The following GPATCH2 variants were observed in gnomAD, a reference collection of about 807,000 sequenced individuals.
GPATCH2 encodes G-patch domain containing 2, also known as G patch domain-containing protein 2.
A neutral mutation model predicts 58.0 loss-of-function variants in GPATCH2; 51 were observed. The ratio of observed to expected loss-of-function variants is 0.88; its 90% confidence interval spans 0.70 to 1.11. GPATCH2 has a LOEUF of 1.11. Ranked by LOEUF, GPATCH2 falls within the 50% of genes most tolerant of loss-of-function variation. The pLI, the probability that GPATCH2 is intolerant of heterozygous loss-of-function variation, is 0.00. For missense variants in GPATCH2, 625 were observed against 652.2 expected, an observed-to-expected ratio of 0.96 and a Z score of 0.45; for synonymous variants, 222 against 218.5, an observed-to-expected ratio of 1.02 and a Z score of -0.14.
At chr1:217,628,991 T>G (rs1444514121) in intron 1 of GPATCH2, among the ~76,000 whole-genome samples, 1 of 152,092 alleles carries the variant, frequency 6.6e-6, no homozygotes, top group East Asian at 1.9e-4. Flanking sequence ...TTAAACCATC[T>G]TTGCTTCTGT....
chr1:217,551,755 G>C (rs970225769), intron 5 of GPATCH2, among the ~76,000 whole-genome samples: 1 of 152,084 alleles, frequency 6.6e-6, no homozygotes, highest in Non-Finnish European at 1.5e-5. Context: ...ATAAAATGCT[G>C]CAACAGAAGT....
At chr1:217,587,572 T>C (rs1235134125) in intron 5 of GPATCH2, among the ~76,000 whole-genome samples, 1 of 152,068 alleles carries the variant, frequency 6.6e-6, no homozygotes, top group Non-Finnish European at 1.5e-5. Flanking sequence ...TTTAGAAAGA[T>C]TACAGTAAGA....
chr1:217,484,409 C>A, intron 8 of GPATCH2, among the ~76,000 whole-genome samples: 1 of 151,334 alleles, frequency 6.6e-6, no homozygotes, highest in African/African-American at 2.4e-5. Flanking sequence ...ACAGGTTTTC[C>A]TGGTTCTCAG....
chr1:217,611,145 G>A (rs995823322), intron 3 of GPATCH2, 74 bp from the exon 4 acceptor site: 9 of 1,331,356 alleles, frequency 6.8e-6, no homozygotes, highest in South Asian at 2.9e-5. Flanking sequence ...AGTCTTGTCA[G>A]GTAATAAAAA....
chr1:217,483,829 T>C (rs1439962123), intron 8 of GPATCH2, among the ~76,000 whole-genome samples: 1 of 152,218 alleles, frequency 6.6e-6, no homozygotes, highest in Admixed American at 6.5e-5. Flanking sequence ...TTGGATTGAT[T>C]TCTTATTACT....
chr1:217,600,657 C>T (rs150367472), intron 5 of GPATCH2, among the ~76,000 whole-genome samples: 24 of 151,988 alleles, frequency 1.6e-4, no homozygotes, highest in African/African-American at 5.5e-4. Context: ...TTTCTGTTTC[C>T]CTGATTTTGA....
intron 8 of GPATCH2, among the ~76,000 whole-genome samples, chr1:217,454,420 T>C (rs1266431773): frequency 1.3e-5 from 2 of 151,688 alleles, no homozygotes; most frequent in African/African-American, 2.4e-5. Flanking sequence ...AAACCCCGTT[T>C]CTACTAAAAA....
At chr1:217,482,435 A>C (rs1243511242) in intron 8 of GPATCH2, among the ~76,000 whole-genome samples, 1 of 152,160 alleles carries the variant, frequency 6.6e-6, no homozygotes, top group Non-Finnish European at 1.5e-5. Flanking sequence ...GGAGAAAGCC[A>C]TATGGGTACT....
At chr1:217,476,564 T>C (rs1660979310) in intron 8 of GPATCH2, among the ~76,000 whole-genome samples, 1 of 151,968 alleles carries the variant, frequency 6.6e-6, no homozygotes, top group African/African-American at 2.4e-5. Context: ...ACGTCTATGC[T>C]CTAGGGTGAG....
intron 5 of GPATCH2, among the ~76,000 whole-genome samples, chr1:217,540,335 A>G (rs1210792995): frequency 6.6e-6 from 1 of 152,134 alleles, no homozygotes; most frequent in African/African-American, 2.4e-5. Flanking sequence ...ATTGGGTCCT[A>G]TGGCTTCAGG....
At chr1:217,554,250 G>A (rs761532850) in intron 5 of GPATCH2, among the ~76,000 whole-genome samples, 19 of 152,150 alleles carry the variant, frequency 1.2e-4, no homozygotes, top group Non-Finnish European at 2.8e-4. Flanking sequence ...ACCTACTACA[G>A]AAAGTTCAAG....
chr1:217,455,283 G>T (rs1463144027), intron 8 of GPATCH2, among the ~76,000 whole-genome samples: 3 of 152,092 alleles, frequency 2.0e-5, no homozygotes, highest in African/African-American at 7.2e-5. Flanking sequence ...TCAATTCCTG[G>T]CCATGAAATG....
intron 4 of GPATCH2, 34 bp downstream of exon 4, chr1:217,610,855 C>A: frequency 1.4e-6 from 2 of 1,460,390 alleles, no homozygotes; most frequent in Non-Finnish European, 1.9e-6. Context: ...GACCTTAAAC[C>A]CATTATATCT....
intron 5 of GPATCH2, 115 bp downstream of exon 5, chr1:217,610,206 G>T: frequency 6.3e-7 from 1 of 1,590,726 alleles, no homozygotes; most frequent in Non-Finnish European, 8.6e-7. Flanking sequence ...CAAAAAAATG[G>T]ATTATTTTTA....
intron 8 of GPATCH2, among the ~76,000 whole-genome samples, chr1:217,482,921 C>T (rs1448767899): frequency 6.6e-6 from 1 of 152,132 alleles, no homozygotes; most frequent in South Asian, 2.1e-4. Context: ...CTGGTCCTCA[C>T]CCCATGTCTG....
At chr1:217,567,340 C>T (rs1666300909) in intron 5 of GPATCH2, among the ~76,000 whole-genome samples, 2 of 152,198 alleles carry the variant, frequency 1.3e-5, no homozygotes, top group Non-Finnish European at 2.9e-5. Context: ...GCCACCGCAC[C>T]CAGCCTAAAT....
chr1:217,498,103 G>A (rs1347206689), intron 7 of GPATCH2: 3 of 583,410 alleles, frequency 5.1e-6, no homozygotes, highest in Non-Finnish European at 9.2e-6. Context: ...AAATGAGTGA[G>A]TTTCAGAGTC....
chr1:217,445,015 T>C (rs937701158), intron 9 of GPATCH2, among the ~76,000 whole-genome samples: 5 of 152,110 alleles, frequency 3.3e-5, no homozygotes, highest in Non-Finnish European at 5.9e-5. Flanking sequence ...TATTTTCCTA[T>C]TGAAATATCA....
chr1:217,539,888 T>C (rs1463128717), intron 5 of GPATCH2, among the ~76,000 whole-genome samples: 2 of 109,950 alleles, frequency 1.8e-5, no homozygotes, highest in African/African-American at 5.9e-5. Context: ...TTTATATATG[T>C]ATTTATAAAA....
Sources: gnomAD v4.1 joint callset for allele counts (sites outside exome capture counted in the v4.1 genomes callset) on GRCh38, gnomAD v4.1.1 for gene constraint, MANE v1.5 for transcripts, NCBI Gene and HGNC (gene_info 2026-07-23, HGNC 2026-07-21) for gene names.